Variants in PAQR9 observed in about 807,000 individuals in gnomAD.
PAQR9 encodes the protein progestin and adipoQ receptor family member 9.
A neutral mutation model predicts 24.0 loss-of-function variants in PAQR9; 12 were observed. The observed-to-expected ratio is 0.50, with a 90% CI of 0.32 to 0.81. PAQR9 has a LOEUF of 0.81. Among genes scored for constraint, PAQR9 ranks in the 30% least tolerant of loss-of-function variants. PAQR9 has a pLI of 0.03. For missense variants in PAQR9, 418 were observed against 520.8 expected (o/e 0.80, Z 1.92); for synonymous variants, 266 against 237.6 (o/e 1.12, Z -1.10).
downstream of PAQR9, among the ~76,000 whole-genome samples, chr3:142,951,225 T>G (rs886513462): frequency 6.6e-6 from 1 of 152,224 alleles, no homozygotes; most frequent in South Asian, 2.1e-4. Context: ...CTGGATTTAT[T>G]TGAGACTTTT....
Position 142,956,976 on chromosome 3 carries a change from T to C in PAQR9, c.*5227A>G, listed in dbSNP as rs1199381933. Among the ~76,000 whole-genome samples the C allele has an allele frequency of 6.6e-6, 1 of 152,246 alleles. No homozygotes were observed. The highest frequency in any genetic ancestry group is 1.5e-5 in the Non-Finnish European group (1 of 68,042). ...CACAGTAGTGCTCAGCTCCAACCAC[T>C]GAATGCTTCCTTTTTCAGTTTGTCT... On this transcript the variant is annotated 3_prime_UTR_variant, in exon 1 of 1. Coordinates refer to ENST00000340634, the MANE Select transcript of PAQR9 (RefSeq NM_198504.4).
At position 142,956,729 on chromosome 3, in the gene PAQR9, G is replaced by A. The variant is rs1362029800; in HGVS notation, c.*5474C>T. ...CAACTTGCTCACAGATTCTTAAGGA[G>A]CCACTCTAGAACAAAAATGCCTACA... is the stretch of plus-strand genomic sequence containing the variant. On this transcript the variant is annotated 3_prime_UTR_variant, in exon 1 of 1. Transcript: ENST00000340634. Among the ~76,000 whole-genome samples the A allele has an allele frequency of 6.6e-6, 1 of 152,160 alleles. No individual in the cohort carries two copies. Among genetic ancestry groups the A allele is most frequent in the Non-Finnish European group, 1.5e-5 (1 of 68,032 alleles).
Position 142,955,493 on chromosome 3 carries a change from T to TCCCCCAG in PAQR9, c.*6703_*6709dup, listed in dbSNP as rs1383609841. Among the ~76,000 whole-genome samples the TCCCCCAG allele has an allele frequency of 1.1e-4, 11 of 98,924 alleles. No homozygotes were observed. In the Admixed American group the frequency reaches 1.4e-3, roughly 13 times the overall value. The allele number at this position is 98,924 out of a possible 152,430, so 64.9% of individuals were successfully genotyped here. A position where few individuals can be genotyped will look rare whatever the true frequency, so the allele number is the denominator to read the frequency against. The stretch of plus-strand genomic sequence containing the variant: ...AAAAAAAAAAGCAGCCACAGAATCC[T>TCCCCCAG]CCCCCAGCCCTGAAACACAGAAAGC... On this transcript the variant is annotated 3_prime_UTR_variant, in exon 1 of 1. Transcript: ENST00000340634.
downstream of PAQR9, chr3:142,951,648 G>C: frequency 2.2e-6 from 1 of 452,672 alleles, no homozygotes; most frequent in Admixed American, 2.4e-5. Flanking sequence ...AAGGTTTTCT[G>C]AACAAGAATT....
At chr3:142,951,098 A>G (rs76924585), downstream of PAQR9, among the ~76,000 whole-genome samples, 2,662 of 152,260 alleles carry the variant, frequency 0.017, 82 homozygotes, top group African/African-American at 0.06. Context: ...TTAATTTTCT[A>G]TAAAGATGGG....
Position 142,963,387 on chromosome 3 carries a change from C to G in PAQR9, c.-51G>C, listed in dbSNP as rs1934952812. ...GCGCAGGCGACCTCTGGCGCCGGCT[C>G]CCGGGCGCTGGGCAGCCCCCGCCGG... On this transcript the variant is annotated 5_prime_UTR_variant, in exon 1 of 1. Coordinates refer to ENST00000340634, the MANE Select transcript of PAQR9 (RefSeq NM_198504.4). The G allele has an allele frequency of 4.4e-6, 5 of 1,133,330 alleles. No homozygotes were observed. The highest frequency in any genetic ancestry group is 4.3e-6 in the Non-Finnish European group (4 of 926,566). 70.2% of individuals were successfully genotyped at this position (1,133,330 alleles called of 1,614,324 possible). A position where few individuals can be genotyped will look rare whatever the true frequency, so the allele number is the denominator to read the frequency against.
At chr3:142,952,841 T>A (rs1434478663), downstream of PAQR9, 1 of 456,594 alleles carries the variant, frequency 2.2e-6, no homozygotes, top group East Asian at 6.9e-5. Context: ...ATTTGTCCCC[T>A]TGGCAGAACC....
In PAQR9 at chr3:142,960,646, T is replaced by C. The variant is rs1934875197; in HGVS notation, c.*1557A>G. On this transcript the variant is annotated 3_prime_UTR_variant, in exon 1 of 1. Transcript: ENST00000340634. ...CCTACCAGGAAGTGTGGTAAGTATT[T>C]AAACAAGTCATCTCAGTGGTTTGTG... The C allele has an allele frequency of 6.6e-6, 1 of 152,254 alleles. No homozygotes were observed. The highest frequency in any genetic ancestry group is 1.5e-5 in the Non-Finnish European group (1 of 68,044). The allele number at this position is 152,254 out of a possible 1,614,324, so 9.4% of individuals were successfully genotyped here.
In PAQR9 at chr3:142,957,591, A is replaced by C. The variant is rs36293; in HGVS notation, c.*4612T>G. Among the ~76,000 whole-genome samples, 37,709 of 152,116 alleles carry C rather than the reference A, an allele frequency of 0.25. 5,732 individuals are homozygous for C. The highest frequency in any genetic ancestry group is 0.34 in the Middle Eastern group (101 of 294). ...TTGGTTTGTTTGTTTGTTTTATTACACTATAAAATTCAGACACTTAAAGAC... is the reference window on the plus strand; with the variant it reads ...TTGGTTTGTTTGTTTGTTTTATTACCCTATAAAATTCAGACACTTAAAGAC... On this transcript the variant is annotated 3_prime_UTR_variant, in exon 1 of 1. Transcript: ENST00000340634.
downstream of PAQR9, among the ~76,000 whole-genome samples, chr3:142,951,158 C>G (rs747980313): frequency 6.6e-6 from 1 of 152,072 alleles, no homozygotes; most frequent in African/African-American, 2.4e-5. Flanking sequence ...CTCAAGTGAC[C>G]CGCCTGCTTG....
Position 142,958,853 on chromosome 3 carries a change from C to T in PAQR9, c.*3350G>A, listed in dbSNP as rs1291845702. 1.3e-5 allele frequency among the ~76,000 whole-genome samples: 2 copies of T among 152,166 alleles called. No individual in the cohort carries two copies. The highest frequency in any genetic ancestry group is 4.8e-5 in the African/African-American group (2 of 41,432). ...CATGACATGACCGAGGAACTCATTT[C>T]CTCTCTCTGGGAAGGTCATCCTCTT... is the stretch of plus-strand genomic sequence containing the variant. On this transcript the variant is annotated 3_prime_UTR_variant, in exon 1 of 1. Transcript: ENST00000340634.
Position 142,963,085 on chromosome 3 carries a change from C to CGA in PAQR9, c.251_252insTC (p.Leu85ArgfsTer15). Reference sequence around the variant, plus strand: ...GGATGAAGTGCGTCCAGAAGTTGAGCGTCTCGTTGGTAGGCTTCAGCACCG... The same window carrying CGA: ...GGATGAAGTGCGTCCAGAAGTTGAGCGAGTCTCGTTGGTAGGCTTCAGCACCG... On this transcript the variant is annotated frameshift_variant, in exon 1 of 1. Transcript: ENST00000340634. LOFTEE classifies it high-confidence loss of function. 1 of 1,614,080 alleles carries CGA rather than the reference C, an allele frequency of 6.2e-7. No homozygotes were observed. Among genetic ancestry groups the CGA allele is most frequent in the Non-Finnish European group, 8.5e-7 (1 of 1,179,986 alleles).
chr3:142,951,511 CTGATA>C (rs1368864163), downstream of PAQR9: 1 of 337,556 alleles, frequency 3.0e-6, no homozygotes, highest in Non-Finnish European at 5.8e-6. Context: ...TTCTGCTTAC[CTGATA>C]TATCAGTTTG....
Position 142,956,095 on chromosome 3 carries a change from T to C in PAQR9, c.*6108A>G, listed in dbSNP as rs956251890. ...ACAAATATAAAATTAAAATACTTTTTTAAAAAATTTTCCCAGGAATTTTAT... is the reference window on the plus strand; with the variant it reads ...ACAAATATAAAATTAAAATACTTTTCTAAAAAATTTTCCCAGGAATTTTAT... On this transcript the variant is annotated 3_prime_UTR_variant, in exon 1 of 1. Transcript: ENST00000340634. Among the ~76,000 whole-genome samples the C allele has an allele frequency of 6.6e-6, 1 of 152,238 alleles. No homozygotes were observed. Among genetic ancestry groups the C allele is most frequent in the Non-Finnish European group, 1.5e-5 (1 of 68,042 alleles).
chr3:142,962,112 AAC>A lies in PAQR9; in HGVS notation c.*89_*90del, dbSNP rs1934902302. ...AGCACCTTCCTTGAGCAAAGAAGAA[AAC>A]ACAATGAAATTTGAAAACAAACCAA... On this transcript the variant is annotated 3_prime_UTR_variant, in exon 1 of 1. Coordinates refer to ENST00000340634, the MANE Select transcript of PAQR9 (RefSeq NM_198504.4). 2.8e-6 allele frequency: 4 copies of A among 1,419,058 alleles called. No individual in the cohort carries two copies. The highest frequency in any genetic ancestry group is 1.8e-4 in the Middle Eastern group (1 of 5,560). 87.9% of individuals were successfully genotyped at this position (1,419,058 alleles called of 1,614,324 possible).
downstream of PAQR9, among the ~76,000 whole-genome samples, chr3:142,952,053 G>C (rs951594959): frequency 3.3e-5 from 5 of 149,358 alleles, no homozygotes; most frequent in African/African-American, 9.8e-5. Flanking sequence ...AAGAAGGGGG[G>C]GGGGTGTTGT....
Position 142,962,207 on chromosome 3 carries a change from T to A in PAQR9, c.1130A>T (p.Lys377Met). The part of the protein sequence containing the change: ...FLNSSEFCSK[K>M] Reference sequence around the variant, plus strand: ...AGTCTCCTCCAAGGCGGAGGCTCACTTTTTACTGCAGAATTCGGAGCTGTT... The same window carrying A: ...AGTCTCCTCCAAGGCGGAGGCTCACATTTTACTGCAGAATTCGGAGCTGTT... Residue 377 changes from lysine (K) to methionine (M), a missense_variant, in exon 1 of 1, where the codon AAG becomes ATG. By Grantham distance (95) the Lys-to-Met change is moderately conservative (BLOSUM62 -1). Around this residue, in one of 3 missense-constraint regions of PAQR9, gnomAD observed 230 missense variants for 305.2 expected, o/e 0.75. Transcript: ENST00000340634. 1 of 1,613,334 alleles carries A rather than the reference T, an allele frequency of 6.2e-7. No homozygotes were observed. Among genetic ancestry groups the A allele is most frequent in the Non-Finnish European group, 8.5e-7 (1 of 1,179,998 alleles).
rs1934840629 is a variant in PAQR9 at position 142,959,003 on chromosome 3, G to A, written c.*3200C>T. ...CGAAGTCAAACACCTTCATTTTCCA[G>A]GCATGACTCTATGGCGCCGCTCCTT... On this transcript the variant is annotated 3_prime_UTR_variant, in exon 1 of 1. Transcript: ENST00000340634. Among the ~76,000 whole-genome samples the A allele has an allele frequency of 6.6e-6, 1 of 152,106 alleles. No individual in the cohort carries two copies. The highest frequency in any genetic ancestry group is 1.5e-5 in the Non-Finnish European group (1 of 68,026).
At chr3:142,953,648 A>G (rs1232066766), downstream of PAQR9, among the ~76,000 whole-genome samples, 1 of 152,124 alleles carries the variant, frequency 6.6e-6, no homozygotes, top group Non-Finnish European at 1.5e-5. Flanking sequence ...TTATAGTGGA[A>G]TGCCTGTGGA....
Sources: allele counts gnomAD v4.1 joint callset (sites outside exome capture counted in the v4.1 genomes callset), GRCh38; gene constraint gnomAD v4.1.1; regional missense constraint gnomAD v4.1.1; transcripts MANE v1.5; gene names NCBI Gene and HGNC (gene_info 2026-07-23, HGNC 2026-07-21).